The following LRRC4B variants were observed in gnomAD, a reference collection of about 807,000 sequenced individuals.
LRRC4B encodes the protein leucine-rich repeat-containing protein 4B.
LRRC4B carries 1 observed loss-of-function variant against 7.3 expected under a neutral mutation model. The ratio of observed to expected loss-of-function variants is 0.14; its 90% CI spans 0.05 to 0.65. The LOEUF (loss-of-function observed/expected upper bound fraction) is 0.65. Ranked by LOEUF, LRRC4B falls within the 30% of genes least tolerant of loss-of-function variation. The probability of loss-of-function intolerance (pLI) is 0.84; values close to 1 mark genes in which losing one functional copy is unlikely to be tolerated. For missense variants in LRRC4B, 730 were observed against 1,041.6 expected (o/e 0.70, Z 4.12); for synonymous variants, 500 against 499.2 (o/e 1.00, Z -0.02).
Position 50,553,037 on chromosome 19 carries a change from T to A in LRRC4B, c.-35-4164A>T, listed in dbSNP as rs1384889916. On this transcript the variant is annotated intron_variant, in intron 1 of 2. Transcript: ENST00000652263. This position sits in a 1 kb window ranked among gnomAD's most constrained non-coding sequence, Gnocchi z 4.2. ...AACAGGGATAATGGGAGTATCTGCC[T>A]CCTAGGGCCACTGTGGGGATTAAAT... Among the ~76,000 whole-genome samples, 2 of 152,178 alleles carry A rather than the reference T, an allele frequency of 1.3e-5. No homozygotes were observed. The highest frequency in any genetic ancestry group is 4.8e-5 in the African/African-American group (2 of 41,430).
chr19:50,527,010 C>T (rs112572811), intron 2 of LRRC4B, among the ~76,000 whole-genome samples: 5,244 of 148,184 alleles, frequency 0.035, 307 homozygotes, highest in African/African-American at 0.12. Context: ...CACGCCACTA[C>T]GCCCGGCTAA....
intron 1 of LRRC4B, among the ~76,000 whole-genome samples, chr19:50,562,269 G>A (rs995522225): frequency 5.9e-5 from 9 of 152,164 alleles, no homozygotes; most frequent in Non-Finnish European, 7.4e-5. Context: ...TTGGAGTCCC[G>A]GCTCTGCCAT....
intron 1 of LRRC4B, among the ~76,000 whole-genome samples, chr19:50,558,292 G>A (rs1356241734): frequency 1.3e-5 from 2 of 151,992 alleles, no homozygotes; most frequent in Non-Finnish European, 2.9e-5. Context: ...GTGCAGTGGC[G>A]TGATCTCAGC....
chr19:50,558,438 C>T (rs1230344856), intron 1 of LRRC4B, among the ~76,000 whole-genome samples: 1 of 152,174 alleles, frequency 6.6e-6, no homozygotes. Flanking sequence ...CCATGTTGCC[C>T]AGGCTGGTCT....
At chr19:50,558,228 TACACACACACATACATACATAC>T (rs1568736680) in intron 1 of LRRC4B, among the ~76,000 whole-genome samples, 1 of 76,710 alleles carries the variant, frequency 1.3e-5, no homozygotes. Context: ...CACACACACA[TACACACACACATACATACATAC>T]ACACACACAC....
intron 2 of LRRC4B, among the ~76,000 whole-genome samples, chr19:50,538,035 C>T (rs4802714): frequency 0.59 from 89,832 of 152,016 alleles, 28,467 homozygotes; most frequent in African/African-American, 0.83. Flanking sequence ...TACAGATCCT[C>T]CCTTCCGCCA....
intron 1 of LRRC4B, among the ~76,000 whole-genome samples, chr19:50,562,456 G>A (rs141087820): frequency 6.6e-6 from 1 of 152,360 alleles, no homozygotes; most frequent in East Asian, 1.9e-4. Flanking sequence ...CAATCAGTTA[G>A]CTACGATCAT....
At chr19:50,532,861 G>A (rs1391688265) in intron 2 of LRRC4B, among the ~76,000 whole-genome samples, 1 of 152,214 alleles carries the variant, frequency 6.6e-6, no homozygotes, top group Non-Finnish European at 1.5e-5. Context: ...GAACACCCTG[G>A]TTGTGCTGGT....
At chr19:50,564,980 TTG>T (rs992850357) in intron 1 of LRRC4B, among the ~76,000 whole-genome samples, 7 of 151,974 alleles carry the variant, frequency 4.6e-5, no homozygotes, top group African/African-American at 1.7e-4. Context: ...CAGGCTCTGC[TTG>T]TGAGAGATGC....
At chr19:50,543,502 T>C (rs373112181) in intron 2 of LRRC4B, among the ~76,000 whole-genome samples, 12 of 151,904 alleles carry the variant, frequency 7.9e-5, no homozygotes, top group East Asian at 5.8e-4. Context: ...TCCAGAACAT[T>C]AGGAAGAATG....
At chr19:50,522,351 C>T (rs947634325) in intron 2 of LRRC4B, among the ~76,000 whole-genome samples, 2 of 152,144 alleles carry the variant, frequency 1.3e-5, no homozygotes, top group South Asian at 4.1e-4. Flanking sequence ...TCGATACCTG[C>T]AATTCCAAAA....
At chr19:50,545,268 G>A (rs751753274) in intron 2 of LRRC4B, among the ~76,000 whole-genome samples, 32 of 151,972 alleles carry the variant, frequency 2.1e-4, no homozygotes, top group Middle Eastern at 3.4e-3. Flanking sequence ...TTAGCCGGGC[G>A]TGGTGGCACA....
intron 2 of LRRC4B, among the ~76,000 whole-genome samples, chr19:50,528,370 A>T (rs1980909538): frequency 6.6e-6 from 1 of 151,230 alleles, no homozygotes; most frequent in South Asian, 2.1e-4. Context: ...TTTTAGATGG[A>T]ATTTCACTCT....
chr19:50,522,092 CGCCTGA>C (rs1980606926), intron 2 of LRRC4B, among the ~76,000 whole-genome samples: 1 of 152,076 alleles, frequency 6.6e-6, no homozygotes, highest in Non-Finnish European at 1.5e-5. Context: ...ATGGGAGGAT[CGCCTGA>C]GCCCAGGAGG....
At chr19:50,552,690 GT>G (rs1982138526) in intron 1 of LRRC4B, among the ~76,000 whole-genome samples, 1 of 24,956 alleles carries the variant, frequency 4.0e-5, no homozygotes, top group Non-Finnish European at 7.4e-5. Context: ...CCATCCATCC[GT>G]CCATCCATCC....
At chr19:50,552,698 ATCCG>A (rs1982139782) in intron 1 of LRRC4B, among the ~76,000 whole-genome samples, 2 of 146,094 alleles carry the variant, frequency 1.4e-5, no homozygotes, top group African/African-American at 5.3e-5. Flanking sequence ...CCGTCCATCC[ATCCG>A]CCCATCCGTC....
At chr19:50,520,689 C>A (rs982472694) in intron 2 of LRRC4B, among the ~76,000 whole-genome samples, 26 of 151,558 alleles carry the variant, frequency 1.7e-4, no homozygotes, top group Non-Finnish European at 3.7e-4. Context: ...GTAATCCCAG[C>A]ACTTTGGGAG....
In LRRC4B at chr19:50,548,857, G is replaced by C. The variant is rs1463510325; in HGVS notation, c.-19C>G. ...GCGCCATCCTCAATGTTCATGCTCCGCGTGGACGCTGGGGGGCTGTGGGTG... is the reference window on the plus strand; with the variant it reads ...GCGCCATCCTCAATGTTCATGCTCCCCGTGGACGCTGGGGGGCTGTGGGTG... On this transcript the variant is annotated 5_prime_UTR_variant, in exon 2 of 3. Transcript: ENST00000652263. This position sits in a 1 kb window ranked among gnomAD's most constrained non-coding sequence, Gnocchi z 6.8. 6.9e-7 allele frequency: 1 copy of C among 1,439,466 alleles called. No individual in the cohort carries two copies. The highest frequency in any genetic ancestry group is 9.1e-7 in the Non-Finnish European group (1 of 1,100,648). The allele number at this position is 1,439,466 out of a possible 1,614,324, so 89.2% of individuals were successfully genotyped here. A position where few individuals can be genotyped will look rare whatever the true frequency, so the allele number is the denominator to read the frequency against.
rs770129870 is a variant in LRRC4B at position 50,563,834 on chromosome 19, G to A, written c.-36+4110C>T. On this transcript the variant is annotated intron_variant, in intron 1 of 2. Coordinates refer to ENST00000652263, the MANE Select transcript of LRRC4B (RefSeq NM_001080457.2). This position sits in a 1 kb window ranked among gnomAD's most constrained non-coding sequence, Gnocchi z 4.9. ...CCTGGAGAATGGGCGTGTGCTCTGCGTCCTGGCAGTCTTAAGAACCACTTC... is the reference window on the plus strand; with the variant it reads ...CCTGGAGAATGGGCGTGTGCTCTGCATCCTGGCAGTCTTAAGAACCACTTC... Among the ~76,000 whole-genome samples the A allele has an allele frequency of 9.2e-5, 14 of 152,312 alleles. No individual in the cohort carries two copies. Among genetic ancestry groups the A allele is most frequent in the South Asian group, 8.3e-4 (4 of 4,830 alleles).
Sources: gnomAD v4.1 joint callset for allele counts (sites outside exome capture counted in the v4.1 genomes callset) on GRCh38, gnomAD v4.1.1 for gene constraint, Gnocchi (gnomAD v3.1) non-coding constraint, MANE v1.5 for transcripts, NCBI Gene and HGNC (gene_info 2026-07-23, HGNC 2026-07-21) for gene names.